Variants in GRID1 observed in about 807,000 individuals in gnomAD.
The protein encoded by GRID1 is glutamate ionotropic receptor delta type subunit 1.
GRID1 carries 28 observed loss-of-function variants against 98.0 expected under a neutral mutation model. The ratio of observed to expected loss-of-function variants is 0.29; its 90% confidence interval spans 0.21 to 0.39. The LOEUF (loss-of-function observed/expected upper bound fraction) is 0.39, where lower values mean the gene tolerates loss of function less well. GRID1 is among the 10% of genes least tolerant of loss of function. GRID1 has a pLI of 1.00. For synonymous variants in GRID1, 553 were observed against 538.5 expected, an observed-to-expected ratio of 1.03 and a Z score of -0.37; for missense variants, 1,111 against 1,340.5, an observed-to-expected ratio of 0.83 and a Z score of 2.67.
In GRID1 at chr10:85,881,915, A is replaced by C. The variant is rs575379347; in HGVS notation, c.781-12735T>G. Reference sequence around the variant, plus strand: ...CTATCCAGAATCTACAAGAACTCCAACAAATTTACAAGAAAAAAACAAACA... The same window carrying C: ...CTATCCAGAATCTACAAGAACTCCACCAAATTTACAAGAAAAAAACAAACA... On this transcript the variant is annotated intron_variant, in intron 5 of 15. Transcript: ENST00000327946. Among the ~76,000 whole-genome samples, 9 of 152,308 alleles carry C rather than the reference A, an allele frequency of 5.9e-5. No homozygotes were observed. In the South Asian group the frequency reaches 1.9e-3, roughly 32 times the overall value.
At chr10:86,276,225 C>T (rs1298962123) in intron 2 of GRID1, among the ~76,000 whole-genome samples, 3 of 152,168 alleles carry the variant, frequency 2.0e-5, no homozygotes, top group African/African-American at 7.2e-5. Flanking sequence ...TGTTACAAGC[C>T]TATCTCTTTG....
chr10:85,650,662 A>G (rs970346684), intron 12 of GRID1, among the ~76,000 whole-genome samples: 1 of 152,184 alleles, frequency 6.6e-6, no homozygotes, highest in Non-Finnish European at 1.5e-5. Flanking sequence ...TAGCTAACCC[A>G]TGGGTAGGAG....
intron 4 of GRID1, among the ~76,000 whole-genome samples, chr10:86,037,578 C>T (rs1843284019): frequency 6.6e-6 from 1 of 152,116 alleles, no homozygotes; most frequent in Non-Finnish European, 1.5e-5. Flanking sequence ...CTTAGGAAGC[C>T]TTGAGGTTGG....
intron 5 of GRID1, among the ~76,000 whole-genome samples, chr10:85,893,425 A>C (rs1841234229): frequency 6.6e-6 from 1 of 152,154 alleles, no homozygotes; most frequent in Non-Finnish European, 1.5e-5. Context: ...CCAGATTGGA[A>C]AGGAATAAGA....
chr10:85,849,251 T>C (rs1468027689), intron 8 of GRID1, among the ~76,000 whole-genome samples: 1 of 152,206 alleles, frequency 6.6e-6, no homozygotes, highest in East Asian at 1.9e-4. Context: ...CAGGGAGGAC[T>C]GGGGTCCTAT....
At chr10:85,927,227 G>A (rs1396684914) in intron 4 of GRID1, among the ~76,000 whole-genome samples, 6 of 152,328 alleles carry the variant, frequency 3.9e-5, no homozygotes, top group African/African-American at 1.4e-4. Context: ...TCACTATGCC[G>A]ACTGCCTGTT....
intron 2 of GRID1, among the ~76,000 whole-genome samples, chr10:86,315,646 C>T (rs981702735): frequency 1.2e-4 from 18 of 151,976 alleles, no homozygotes; most frequent in African/African-American, 2.9e-4. Flanking sequence ...CCCATCCATG[C>T]ACTCACCCTC....
intron 5 of GRID1, among the ~76,000 whole-genome samples, chr10:85,894,346 G>A (rs1841251123): frequency 6.6e-6 from 1 of 152,166 alleles, no homozygotes; most frequent in East Asian, 1.9e-4. Context: ...ACATGCGTGT[G>A]TCTCAAAATC....
intron 2 of GRID1, among the ~76,000 whole-genome samples, chr10:86,264,977 G>A (rs778510711): frequency 3.3e-5 from 5 of 152,212 alleles, no homozygotes; most frequent in Non-Finnish European, 7.3e-5. Flanking sequence ...CAGCCAAGCA[G>A]GAGCTGCACT....
At chr10:86,287,248 C>G (rs756674814) in intron 2 of GRID1, among the ~76,000 whole-genome samples, 1 of 152,122 alleles carries the variant, frequency 6.6e-6, no homozygotes, top group Non-Finnish European at 1.5e-5. Context: ...ACTGCAGTCC[C>G]CAAATTCCCC....
intron 2 of GRID1, among the ~76,000 whole-genome samples, chr10:86,269,590 C>T (rs763298038): frequency 1.2e-4 from 18 of 152,354 alleles, no homozygotes; most frequent in South Asian, 8.3e-4. Flanking sequence ...CTCTTGGCCT[C>T]GGCCTCTTGC....
chr10:86,169,456 G>A (rs1301490766), intron 3 of GRID1, among the ~76,000 whole-genome samples: 1 of 152,174 alleles, frequency 6.6e-6, no homozygotes, highest in African/African-American at 2.4e-5. Context: ...GAGTTAGGAC[G>A]CCAGCTTCCA....
chr10:86,164,942 C>T (rs142272837), intron 3 of GRID1, among the ~76,000 whole-genome samples: 1 of 152,276 alleles, frequency 6.6e-6, no homozygotes, highest in African/African-American at 2.4e-5. Flanking sequence ...GCAGACCAGG[C>T]ATCCAAAGGC....
intron 2 of GRID1, among the ~76,000 whole-genome samples, chr10:86,227,091 C>T (rs1038564115): frequency 6.6e-6 from 1 of 152,206 alleles, no homozygotes; most frequent in Non-Finnish European, 1.5e-5. Context: ...AGAAAGGGAG[C>T]CTCCCTCTGA....
intron 5 of GRID1, among the ~76,000 whole-genome samples, chr10:85,915,599 C>A (rs941310405): frequency 6.6e-6 from 1 of 151,964 alleles, no homozygotes; most frequent in African/African-American, 2.4e-5. Context: ...CACATATACA[C>A]ACACCTGCAC....
chr10:85,997,385 C>T (rs1363950101), intron 4 of GRID1, among the ~76,000 whole-genome samples: 2 of 148,464 alleles, frequency 1.3e-5, no homozygotes, highest in Admixed American at 6.7e-5. Context: ...GGCAACAGAG[C>T]GAGACTCCAT....
At chr10:86,129,162 C>T (rs1470686591) in intron 4 of GRID1, among the ~76,000 whole-genome samples, 2 of 152,338 alleles carry the variant, frequency 1.3e-5, no homozygotes, top group African/African-American at 4.8e-5. Context: ...CCAATCCATC[C>T]CCTCAGGCTC....
At chr10:86,077,608 G>A (rs371693585) in intron 4 of GRID1, among the ~76,000 whole-genome samples, 2 of 152,248 alleles carry the variant, frequency 1.3e-5, no homozygotes, top group African/African-American at 4.8e-5. Context: ...ACCTCCATTC[G>A]AACACATATT....
chr10:85,712,588 C>T (rs1183706558), intron 12 of GRID1, among the ~76,000 whole-genome samples: 1 of 151,844 alleles, frequency 6.6e-6, no homozygotes, highest in Non-Finnish European at 1.5e-5. Context: ...CAAACATATA[C>T]AGAACATTCC....
Sources: allele counts gnomAD v4.1 joint callset (sites outside exome capture counted in the v4.1 genomes callset), GRCh38; gene constraint gnomAD v4.1.1; transcripts MANE v1.5; gene names NCBI Gene and HGNC (gene_info 2026-07-23, HGNC 2026-07-21).